The following TRIM2 variants were observed in gnomAD, a reference collection of about 807,000 sequenced individuals.
TRIM2 encodes tripartite motif-containing protein 2.
Under a neutral mutation model 75.2 loss-of-function variants are expected in TRIM2, and 20 were observed. The ratio of observed to expected loss-of-function variants is 0.27; its 90% CI spans 0.19 to 0.39. The LOEUF (loss-of-function observed/expected upper bound fraction) is 0.39, where lower values mean the gene tolerates loss of function less well. Ranked by LOEUF, TRIM2 falls within the 10% of genes least tolerant of loss-of-function variation. The pLI, the probability that TRIM2 is intolerant of heterozygous loss-of-function variation, is 1.00. For missense variants in TRIM2, 660 were observed against 990.8 expected (o/e 0.67, Z 4.48); for synonymous variants, 373 against 388.3 (o/e 0.96, Z 0.46).
intron 3 of TRIM2, chr4:153,276,407 C>T (rs947449996): frequency 3.9e-6 from 2 of 508,980 alleles, no homozygotes; most frequent in Non-Finnish European, 6.8e-6. Flanking sequence ...CCTACATAAA[C>T]ATCTGTGTAA....
chr4:153,257,728 C>A lies in TRIM2; in HGVS notation c.31-12607C>A, dbSNP rs1198131869. The A allele has an allele frequency of 7.7e-6, 5 of 652,916 alleles. No homozygotes were observed. The Admixed American group carries it at 1.2e-4, about 15-fold the overall frequency. The allele number at this position is 652,916 out of a possible 1,614,324, so 40.4% of individuals were successfully genotyped here. On this transcript the variant is annotated intron_variant, in intron 1 of 11. Transcript: ENST00000338700. ...GCGACAGACTTGGGAGGATTTAATT[C>A]TTTGCCTCGTTGGTTAGTCTGTTTG...
chr4:153,259,113 T>G (rs539559958), intron 1 of TRIM2, among the ~76,000 whole-genome samples: 1 of 152,364 alleles, frequency 6.6e-6, no homozygotes, highest in East Asian at 1.9e-4. Context: ...GTAAAAATTT[T>G]CTCTGATAGA....
chr4:153,284,681 G>T (rs766290666), intron 3 of TRIM2, among the ~76,000 whole-genome samples: 6 of 152,146 alleles, frequency 3.9e-5, no homozygotes, highest in Non-Finnish European at 7.3e-5. Flanking sequence ...ATTTGCATTT[G>T]CCAAATGATT....
chr4:153,315,449 A>G, intron 6 of TRIM2, 36 bp from the exon 7 acceptor site: 1 of 1,518,236 alleles, frequency 6.6e-7, no homozygotes, highest in Non-Finnish European at 9.0e-7. Context: ...CTAACCCTTT[A>G]GTGCTTAATT....
chr4:153,307,743 G>A (rs969461110), intron 6 of TRIM2: 70 of 638,728 alleles, frequency 1.1e-4, no homozygotes, highest in Non-Finnish European at 3.0e-5. Context: ...ATTTCTGGAC[G>A]CTCGTGCTGT....
At chr4:153,307,170 T>C (rs1005517397) in intron 6 of TRIM2, among the ~76,000 whole-genome samples, 1 of 152,228 alleles carries the variant, frequency 6.6e-6, no homozygotes, top group Non-Finnish European at 1.5e-5. Context: ...TTATATTTCC[T>C]TGACTGTTAA....
intron 1 of TRIM2, chr4:153,222,200 C>T (rs1229491243): frequency 6.6e-6 from 1 of 151,884 alleles, no homozygotes; most frequent in Non-Finnish European, 1.5e-5. Flanking sequence ...TTAACATTCA[C>T]TTGAAGGAAA....
At chr4:153,221,971 G>T (rs894716536) in intron 1 of TRIM2, among the ~76,000 whole-genome samples, 165 of 91,626 alleles carry the variant, frequency 1.8e-3, no homozygotes, top group African/African-American at 5.4e-3. Context: ...AGGGAGGAAG[G>T]GAGGAAGGAA....
At chr4:153,317,425 G>T (rs991551779) in intron 8 of TRIM2, among the ~76,000 whole-genome samples, 1 of 151,378 alleles carries the variant, frequency 6.6e-6, no homozygotes, top group Admixed American at 6.6e-5. Context: ...GAGGCGGGCG[G>T]ATCACAAGGT....
At chr4:153,242,878 G>A (rs1426382244) in intron 1 of TRIM2, among the ~76,000 whole-genome samples, 3 of 152,196 alleles carry the variant, frequency 2.0e-5, no homozygotes, top group Non-Finnish European at 2.9e-5. Context: ...CTGTTTCTTT[G>A]TCTATACAAT....
chr4:153,250,059 C>T (rs1174686681), intron 1 of TRIM2, among the ~76,000 whole-genome samples: 1 of 152,018 alleles, frequency 6.6e-6, no homozygotes, highest in African/African-American at 2.4e-5. Flanking sequence ...CATGTTATTA[C>T]TTGGGCATTT....
At chr4:153,195,361 A>G (rs1261274078) in intron 1 of TRIM2, among the ~76,000 whole-genome samples, 1 of 152,032 alleles carries the variant, frequency 6.6e-6, no homozygotes, top group Non-Finnish European at 1.5e-5. Context: ...AAAAATACAA[A>G]CATTAGCTGG....
At chr4:153,238,221 A>C (rs1745527116) in intron 1 of TRIM2, among the ~76,000 whole-genome samples, 1 of 152,162 alleles carries the variant, frequency 6.6e-6, no homozygotes, top group Non-Finnish European at 1.5e-5. Flanking sequence ...ATGCTTAGAA[A>C]CCAGTCCATA....
intron 6 of TRIM2, among the ~76,000 whole-genome samples, chr4:153,311,369 T>C (rs1766261031): frequency 2.0e-5 from 3 of 151,242 alleles, no homozygotes; most frequent in African/African-American, 2.5e-5. Flanking sequence ...TTTCCTTTTA[T>C]AAGCTGCTAC....
rs148181277 is a variant in TRIM2 at position 153,337,715 on chromosome 4, G to A, written c.*2749G>A. 1 of 985,838 alleles carries A rather than the reference G, an allele frequency of 1.0e-6. No individual in the cohort carries two copies. The highest frequency in any genetic ancestry group is 1.2e-6 in the Non-Finnish European group (1 of 829,940). 61.1% of individuals were successfully genotyped at this position (985,838 alleles called of 1,614,324 possible). ...TAAACTGAGAAGGATATTAAAATAA[G>A]TGGCTTTTTTCTGGGCTACCATTAT... On this transcript the variant is annotated 3_prime_UTR_variant, in exon 12 of 12. Coordinates refer to ENST00000338700, the MANE Select transcript of TRIM2 (RefSeq NM_015271.5).
At chr4:153,237,505 C>T (rs1453010349) in intron 1 of TRIM2, among the ~76,000 whole-genome samples, 1 of 151,954 alleles carries the variant, frequency 6.6e-6, no homozygotes, top group East Asian at 1.9e-4. Context: ...ATAGTGAAAC[C>T]CTGTCTCTAC....
chr4:153,204,484 GCGGGGAGCTAAGTC>G lies in TRIM2; in HGVS notation c.-45_-32del. 6.4e-7 allele frequency: 1 copy of G among 1,550,454 alleles called. No homozygotes were observed. Among genetic ancestry groups the G allele is most frequent in the South Asian group, 1.2e-5 (1 of 84,036 alleles). On this transcript the variant is annotated 5_prime_UTR_variant, in exon 1 of 12. Transcript: ENST00000338700. ...TAATGGGCCCAGTTGTCTGCGGGCT[GCGGGGAGCTAAGTC>G]CCCAGATTGGAGGAGGCTGGCTCTG...
chr4:153,208,664 T>C lies in TRIM2; in HGVS notation c.30+4104T>C, dbSNP rs555340296. ...CTCTCCAGTTCTTGTTTTCCTCACC[T>C]GAAAATGGGAACGATATTGTCTGCC... On this transcript the variant is annotated intron_variant, in intron 1 of 11. Coordinates refer to ENST00000338700, the MANE Select transcript of TRIM2 (RefSeq NM_015271.5). Among the ~76,000 whole-genome samples, 3 of 152,244 alleles carry C rather than the reference T, an allele frequency of 2.0e-5. No homozygotes were observed. The East Asian group carries it at 5.8e-4, about 29-fold the overall frequency.
chr4:153,247,887 A>G (rs960149515), intron 1 of TRIM2, among the ~76,000 whole-genome samples: 1 of 152,092 alleles, frequency 6.6e-6, no homozygotes, highest in Non-Finnish European at 1.5e-5. Context: ...AAAAAAAGTG[A>G]ATTATCAGTC....
Sources: gnomAD v4.1 joint callset for allele counts (sites outside exome capture counted in the v4.1 genomes callset) on GRCh38, gnomAD v4.1.1 for gene constraint, MANE v1.5 for transcripts, NCBI Gene and HGNC (gene_info 2026-07-23, HGNC 2026-07-21) for gene names.